Variants in MYZAP observed in about 807,000 individuals in gnomAD.
The protein encoded by MYZAP is myocardial zonula adherens protein, also known as GRINL1A complex locus upstream.
Under a neutral mutation model 69.4 loss-of-function variants are expected in MYZAP, and 66 were observed. The observed-to-expected ratio is 0.95, with a 90% CI of 0.78 to 1.17. The LOEUF is 1.17. Among genes scored for constraint, MYZAP ranks in the 50% most tolerant of loss-of-function variants. The pLI is 0.00. For missense variants in MYZAP, 611 were observed against 556.2 expected (o/e 1.10, Z -0.99); for synonymous variants, 256 against 205.9 (o/e 1.24, Z -2.09).
chr15:57,656,754 A>C (rs2038028771), intron 10 of MYZAP, among the ~76,000 whole-genome samples: 1 of 152,236 alleles, frequency 6.6e-6, no homozygotes, highest in Admixed American at 6.5e-5. Flanking sequence ...AAGTCAATTC[A>C]GATCACAGAA....
chr15:57,667,314 G>T (rs1031712073), intron 11 of MYZAP, among the ~76,000 whole-genome samples: 4 of 152,222 alleles, frequency 2.6e-5, no homozygotes, highest in Non-Finnish European at 5.9e-5. Context: ...GAATGGTGGG[G>T]GAGGTGACCG....
At chr15:57,651,250 G>A (rs1257865545) in intron 10 of MYZAP, among the ~76,000 whole-genome samples, 1 of 152,178 alleles carries the variant, frequency 6.6e-6, no homozygotes, top group Non-Finnish European at 1.5e-5. Context: ...CCATATATAT[G>A]TATTACATGA....
chr15:57,592,862 C>T (rs2033772875), intron 1 of MYZAP, among the ~76,000 whole-genome samples: 1 of 152,120 alleles, frequency 6.6e-6, no homozygotes, highest in African/African-American at 2.4e-5. Flanking sequence ...TGGCTTGTGG[C>T]TTTTTAGTTC....
intron 10 of MYZAP, among the ~76,000 whole-genome samples, chr15:57,649,772 C>G (rs2037635531): frequency 6.6e-6 from 1 of 152,282 alleles, no homozygotes; most frequent in African/African-American, 2.4e-5. Flanking sequence ...AATAGTTTTG[C>G]AGTTTGATTG....
intron 4 of MYZAP, among the ~76,000 whole-genome samples, chr15:57,623,136 A>G (rs552881059): frequency 1.3e-5 from 2 of 152,344 alleles, no homozygotes; most frequent in South Asian, 4.1e-4. Flanking sequence ...AAACCATCCC[A>G]TGATATAATT....
In MYZAP at chr15:57,591,971, C is replaced by T. The variant is rs2033691192; in HGVS notation, c.-64C>T. On this transcript the variant is annotated 5_prime_UTR_variant, in exon 1 of 13. Transcript: ENST00000267853. ...GCGTCGCCCCCGCGCAGGGCGGGCC[C>T]CGCACGCTTATTCTGCCCGGGAGGA... The T allele has an allele frequency of 3.0e-6, 4 of 1,334,446 alleles. No individual in the cohort carries two copies. The highest frequency in any genetic ancestry group is 1.9e-5 in the South Asian group (1 of 53,506). 82.7% of individuals were successfully genotyped at this position (1,334,446 alleles called of 1,614,324 possible). A position where few individuals can be genotyped will look rare whatever the true frequency, so the allele number is the denominator to read the frequency against.
intron 11 of MYZAP, among the ~76,000 whole-genome samples, chr15:57,674,178 C>T (rs1487802700): frequency 3.3e-5 from 5 of 152,094 alleles, no homozygotes; most frequent in African/African-American, 1.2e-4. Flanking sequence ...TTTCAGGCAC[C>T]AGCACTTCGT....
chr15:57,646,697 A>G, intron 10 of MYZAP: 1 of 987,954 alleles, frequency 1.0e-6, no homozygotes, highest in Non-Finnish European at 1.2e-6. Context: ...TTCTATTTGT[A>G]TATGGGAGGT....
At chr15:57,630,320 C>T (rs1173737899) in intron 6 of MYZAP, among the ~76,000 whole-genome samples, 1 of 152,198 alleles carries the variant, frequency 6.6e-6, no homozygotes, top group Non-Finnish European at 1.5e-5. Flanking sequence ...TTCTTGGCCT[C>T]CAGTCCCTTC....
Position 57,675,022 on chromosome 15 carries a change from G to C in MYZAP, c.1258G>C (p.Glu420Gln), listed in dbSNP as rs146505887. Reference sequence around the variant, plus strand: ...TTTAACAGAAACCCAGGCCAAGACCGAAGTGGAAACCAGAGAGATAGGAGT... The same window carrying C: ...TTTAACAGAAACCCAGGCCAAGACCCAAGTGGAAACCAGAGAGATAGGAGT... ...DYLTETQAKT[E>Q]VETREIGVGC... The change falls in exon 12 of 13, where the codon GAA becomes CAA. Residue 420 changes from glutamate (E) to glutamine (Q), a missense_variant. Physicochemically the swap from Glu to Gln is conservative, Grantham distance 29. Transcript: ENST00000267853. 6.2e-7 allele frequency: 1 copy of C among 1,613,566 alleles called. No homozygotes were observed. The highest frequency in any genetic ancestry group is 1.1e-5 in the South Asian group (1 of 91,056).
chr15:57,676,774 G>A (rs185538156), intron 12 of MYZAP, among the ~76,000 whole-genome samples: 73 of 152,226 alleles, frequency 4.8e-4, no homozygotes, highest in Non-Finnish European at 9.4e-4. Flanking sequence ...ATAGCCTGAA[G>A]CAAACTTTTA....
At chr15:57,642,390 G>A (rs543540790) in intron 10 of MYZAP, among the ~76,000 whole-genome samples, 3 of 152,308 alleles carry the variant, frequency 2.0e-5, no homozygotes, top group Non-Finnish European at 2.9e-5. Context: ...AAAATCCGGA[G>A]TACTGAATTG....
chr15:57,599,162 C>T (rs1158151033), intron 1 of MYZAP, among the ~76,000 whole-genome samples: 1 of 152,178 alleles, frequency 6.6e-6, no homozygotes, highest in Non-Finnish European at 1.5e-5. Context: ...GCACTGAAGA[C>T]TAAGTGGCTT....
intron 10 of MYZAP, among the ~76,000 whole-genome samples, chr15:57,644,485 G>C (rs920057501): frequency 1.8e-4 from 28 of 152,106 alleles, no homozygotes; most frequent in African/African-American, 6.8e-4. Context: ...TTGCCCTGTT[G>C]CTCAGGCTGG....
At chr15:57,678,041 C>CAAAA (rs56102709) in intron 12 of MYZAP, among the ~76,000 whole-genome samples, 36 of 116,208 alleles carry the variant, frequency 3.1e-4, no homozygotes, top group African/African-American at 1.3e-3. Context: ...TTATCTCTAC[C>CAAAA]AAAAAAAAAA....
chr15:57,633,024 C>G (rs1193300444), intron 7 of MYZAP, among the ~76,000 whole-genome samples: 3 of 152,192 alleles, frequency 2.0e-5, no homozygotes, highest in African/African-American at 2.4e-5. Flanking sequence ...CTCACTCACT[C>G]TCTCTCTGCT....
intron 10 of MYZAP, chr15:57,647,264 T>C: frequency 3.0e-6 from 3 of 985,424 alleles, no homozygotes; most frequent in Non-Finnish European, 3.6e-6. Context: ...ATTAATATTG[T>C]TCACCTGTGC....
chr15:57,623,756 A>G (rs2035959808), intron 4 of MYZAP, among the ~76,000 whole-genome samples: 1 of 151,896 alleles, frequency 6.6e-6, no homozygotes. Flanking sequence ...AAGGGAAAGT[A>G]AGATAAACGA....
At chr15:57,619,886 G>T (rs1666680795) in intron 3 of MYZAP, among the ~76,000 whole-genome samples, 1 of 152,056 alleles carries the variant, frequency 6.6e-6, no homozygotes, top group South Asian at 2.1e-4. Flanking sequence ...AGCTGTGGAT[G>T]ACATGTACCA....
Sources: allele counts gnomAD v4.1 joint callset (sites outside exome capture counted in the v4.1 genomes callset), GRCh38; gene constraint gnomAD v4.1.1; transcripts MANE v1.5; gene names NCBI Gene and HGNC (gene_info 2026-07-23, HGNC 2026-07-21).